Variants in SLC26A7 observed in about 807,000 individuals in gnomAD.
SLC26A7 encodes anion exchange transporter.
In SLC26A7, 59 loss-of-function variants were observed where a neutral mutation model predicts 82.5. The observed-to-expected ratio is 0.72, with a 90% confidence interval of 0.58 to 0.89. The LOEUF (loss-of-function observed/expected upper bound fraction) is 0.89. Among genes scored for constraint, SLC26A7 ranks in the 40% least tolerant of loss-of-function variants. The probability of loss-of-function intolerance (pLI) is 0.00; values close to 1 mark genes in which losing one functional copy is unlikely to be tolerated. For missense variants in SLC26A7, 820 were observed against 793.0 expected (o/e 1.03, Z -0.41); for synonymous variants, 271 against 274.3 (o/e 0.99, Z 0.12).
intron 15 of SLC26A7, among the ~76,000 whole-genome samples, chr8:91,377,171 C>G (rs919896167): frequency 2.0e-5 from 3 of 152,126 alleles, no homozygotes; most frequent in African/African-American, 7.2e-5. Context: ...ATGAAAAGCA[C>G]TTTCTCCAAG....
At chr8:91,321,864 A>G (rs1243237289) in intron 5 of SLC26A7, among the ~76,000 whole-genome samples, 1 of 151,874 alleles carries the variant, frequency 6.6e-6, no homozygotes, top group East Asian at 1.9e-4. Context: ...AGTTACCATA[A>G]CTTGAGCTAA....
chr8:91,393,679 TG>T, intron 16 of SLC26A7, 117 bp from the exon 17 acceptor site: 1 of 1,037,532 alleles, frequency 9.6e-7, no homozygotes, highest in Non-Finnish European at 1.5e-6. Flanking sequence ...CTCCCTCTGG[TG>T]GTTTGACTTC....
intron 2 of SLC26A7, chr8:91,219,048 C>A: frequency 9.9e-7 from 1 of 1,011,132 alleles, no homozygotes; most frequent in African/African-American, 1.6e-5. Context: ...GCCCTGTCAG[C>A]TCTGCATACA....
chr8:91,315,750 G>A (rs759866926), intron 4 of SLC26A7, among the ~76,000 whole-genome samples: 3 of 152,116 alleles, frequency 2.0e-5, no homozygotes, highest in Non-Finnish European at 4.4e-5. Flanking sequence ...AGAAAATGTA[G>A]TGTGGCCCTT....
intron 1 of SLC26A7, among the ~76,000 whole-genome samples, chr8:91,215,476 A>T (rs1036579040): frequency 2.0e-5 from 3 of 152,164 alleles, no homozygotes; most frequent in Non-Finnish European, 1.5e-5. Context: ...AAACTTAGCA[A>T]AGAGTAATAT....
At chr8:91,325,907 G>T (rs1333278934) in intron 5 of SLC26A7, among the ~76,000 whole-genome samples, 2 of 152,168 alleles carry the variant, frequency 1.3e-5, no homozygotes, top group Non-Finnish European at 2.9e-5. Flanking sequence ...AGTCTCTGGA[G>T]CCTTGGTTTC....
chr8:91,366,512 T>C, intron 13 of SLC26A7, 68 bp from the exon 14 acceptor site: 1 of 1,531,238 alleles, frequency 6.5e-7, no homozygotes, highest in African/African-American at 1.4e-5. Context: ...GAGTGACATT[T>C]AGATCTGATT....
At chr8:91,254,191 C>T (rs748585909) in intron 2 of SLC26A7, among the ~76,000 whole-genome samples, 23 of 152,024 alleles carry the variant, frequency 1.5e-4, no homozygotes, top group Non-Finnish European at 2.9e-4. Context: ...AGTCCAGATG[C>T]CCAGCTTCTC....
At chr8:91,344,300 C>A (rs1813501222) in intron 9 of SLC26A7, 1 of 678,714 alleles carries the variant, frequency 1.5e-6, no homozygotes, top group Non-Finnish European at 1.8e-6. Context: ...AATGGCAGAG[C>A]CGGGATTGGA....
intron 15 of SLC26A7, among the ~76,000 whole-genome samples, chr8:91,383,879 T>C (rs1814728390): frequency 6.6e-6 from 1 of 152,224 alleles, no homozygotes; most frequent in East Asian, 1.9e-4. Flanking sequence ...TCAGTTAATC[T>C]TTCTTGTACA....
chr8:91,269,656 T>C (rs554912572), intron 2 of SLC26A7, among the ~76,000 whole-genome samples: 3 of 152,304 alleles, frequency 2.0e-5, no homozygotes, highest in Admixed American at 6.5e-5. Context: ...TCCTGGATGC[T>C]GCCATCTTTC....
At chr8:91,265,707 T>C (rs1180855741) in intron 2 of SLC26A7, among the ~76,000 whole-genome samples, 1 of 152,012 alleles carries the variant, frequency 6.6e-6, no homozygotes, top group Non-Finnish European at 1.5e-5. Context: ...AATGTTTATT[T>C]AGGCTTTTTG....
intron 2 of SLC26A7, among the ~76,000 whole-genome samples, chr8:91,264,586 G>A (rs1379982294): frequency 6.6e-6 from 1 of 151,890 alleles, no homozygotes; most frequent in Non-Finnish European, 1.5e-5. Flanking sequence ...TCCCCATGAT[G>A]TTGTTTCTAT....
At chr8:91,310,213 T>C (rs1306205589) in intron 4 of SLC26A7, among the ~76,000 whole-genome samples, 3 of 152,138 alleles carry the variant, frequency 2.0e-5, no homozygotes, top group Non-Finnish European at 4.4e-5. Context: ...CATGTCTGAC[T>C]AGCTACCTAC....
At chr8:91,239,589 C>T (rs1268344946) in intron 2 of SLC26A7, among the ~76,000 whole-genome samples, 2 of 151,882 alleles carry the variant, frequency 1.3e-5, no homozygotes, top group African/African-American at 2.4e-5. Flanking sequence ...ATGACAGATT[C>T]ACACACACTA....
intron 4 of SLC26A7, among the ~76,000 whole-genome samples, chr8:91,310,700 AG>A (rs1812456880): frequency 6.6e-6 from 1 of 152,290 alleles, no homozygotes; most frequent in South Asian, 2.1e-4. Context: ...GCCTCAAGTG[AG>A]CATGCATATG....
chr8:91,303,054 T>C (rs1812211931), intron 4 of SLC26A7, among the ~76,000 whole-genome samples: 2 of 152,152 alleles, frequency 1.3e-5, no homozygotes, highest in Admixed American at 6.5e-5. Flanking sequence ...TTTAGTGGAA[T>C]TGATGCAGTT....
intron 2 of SLC26A7, among the ~76,000 whole-genome samples, chr8:91,224,263 T>C (rs1376860299): frequency 2.0e-5 from 3 of 152,170 alleles, no homozygotes; most frequent in African/African-American, 7.2e-5. Context: ...AGGCATACTC[T>C]GGCCTTTTGG....
At chr8:91,300,911 A>G (rs1443132309) in intron 4 of SLC26A7, among the ~76,000 whole-genome samples, 2 of 146,926 alleles carry the variant, frequency 1.4e-5, no homozygotes, top group Non-Finnish European at 3.0e-5. Context: ...ATGTTAAGAA[A>G]TTATAAATTG....
Sources: gnomAD v4.1 joint callset for allele counts (sites outside exome capture counted in the v4.1 genomes callset) on GRCh38, gnomAD v4.1.1 for gene constraint, MANE v1.5 for transcripts, NCBI Gene and HGNC (gene_info 2026-07-23, HGNC 2026-07-21) for gene names.